The following TLE1 variants were observed in gnomAD, a reference collection of about 807,000 sequenced individuals.
TLE1 encodes the protein transducin-like enhancer protein 1.
A neutral mutation model predicts 89.8 loss-of-function variants in TLE1; 21 were observed. That is an observed-to-expected ratio of 0.23 (90% CI 0.17 to 0.34). TLE1 has a LOEUF of 0.34. TLE1 is among the 10% of genes least tolerant of loss of function. The probability of loss-of-function intolerance (pLI) is 1.00; values close to 1 mark genes in which losing one functional copy is unlikely to be tolerated. For synonymous variants in TLE1, 447 were observed against 407.6 expected (o/e 1.10, Z -1.16); for missense variants, 795 against 1,031.2 (o/e 0.77, Z 3.14).
intron 4 of TLE1, among the ~76,000 whole-genome samples, chr9:81,662,731 C>T (rs189335200): frequency 6.6e-6 from 1 of 151,850 alleles, no homozygotes; most frequent in African/African-American, 2.4e-5. Context: ...GGCCAAGCAC[C>T]GTAAATTGAT....
chr9:81,594,170 A>G (rs994972579), intron 14 of TLE1, among the ~76,000 whole-genome samples: 5 of 152,088 alleles, frequency 3.3e-5, no homozygotes, highest in Non-Finnish European at 7.4e-5. Flanking sequence ...CTTCCTTCCC[A>G]CTGCCTGAGC....
At chr9:81,602,108 T>A (rs1831005662) in intron 14 of TLE1, among the ~76,000 whole-genome samples, 1 of 152,054 alleles carries the variant, frequency 6.6e-6, no homozygotes, top group African/African-American at 2.4e-5. Context: ...GCAACTCAAG[T>A]GGGCTTTGAA....
chr9:81,661,188 T>TTA lies in TLE1; in HGVS notation c.235-7154_235-7153dup, dbSNP rs1306614516. On this transcript the variant is annotated intron_variant, in intron 4 of 19. Coordinates refer to ENST00000376499, the MANE Select transcript of TLE1 (RefSeq NM_005077.5). ...CATATATATTTATATATATGTATTTTTATATATATATGTATTTTTATATAT... is the reference window on the plus strand; with the variant it reads ...CATATATATTTATATATATGTATTTTTATATATATATATGTATTTTTATATAT... Among the ~76,000 whole-genome samples, 266 of 98,968 alleles carry TTA rather than the reference T, an allele frequency of 2.7e-3. 3 individuals are homozygous for TTA. The highest frequency in any genetic ancestry group is 7.7e-3 in the South Asian group (20 of 2,610). The allele number at this position is 98,968 out of a possible 152,430, so 64.9% of individuals were successfully genotyped here.
At chr9:81,615,706 C>A (rs1179318030) in intron 11 of TLE1, among the ~76,000 whole-genome samples, 1 of 130,080 alleles carries the variant, frequency 7.7e-6, no homozygotes, top group Admixed American at 7.8e-5. Context: ...GAGTGAGACT[C>A]CGTCTCAAAA....
chr9:81,686,705 T>C (rs1281294823), intron 2 of TLE1, among the ~76,000 whole-genome samples: 2 of 152,224 alleles, frequency 1.3e-5, no homozygotes, highest in East Asian at 1.9e-4. Context: ...CAAAAATTTA[T>C]AAGTCCTTTG....
chr9:81,588,479 C>T (rs1828962340), intron 16 of TLE1, among the ~76,000 whole-genome samples: 3 of 152,284 alleles, frequency 2.0e-5, no homozygotes, highest in South Asian at 4.1e-4. Context: ...AGGCATTGGG[C>T]AGAGACACAG....
At chr9:81,608,328 T>C (rs1162323074) in intron 14 of TLE1, among the ~76,000 whole-genome samples, 1 of 151,770 alleles carries the variant, frequency 6.6e-6, no homozygotes. Flanking sequence ...CTGGGCAACA[T>C]AGGGAGACCC....
At chr9:81,667,321 G>A (rs1027612519) in intron 4 of TLE1, among the ~76,000 whole-genome samples, 2 of 150,398 alleles carry the variant, frequency 1.3e-5, no homozygotes, top group Admixed American at 1.3e-4. Context: ...GCTTAAACCC[G>A]GGTGGCAGAA....
intron 4 of TLE1, among the ~76,000 whole-genome samples, chr9:81,681,009 G>C (rs1240917023): frequency 1.3e-5 from 2 of 151,516 alleles, no homozygotes; most frequent in South Asian, 4.1e-4. Context: ...TATCCCACAG[G>C]TGAGTCCCTA....
intron 4 of TLE1, among the ~76,000 whole-genome samples, chr9:81,655,312 G>A (rs1000591335): frequency 2.6e-5 from 4 of 152,024 alleles, no homozygotes; most frequent in South Asian, 2.1e-4. Flanking sequence ...GCAGTGAGCC[G>A]AGATCACGCC....
intron 4 of TLE1, among the ~76,000 whole-genome samples, chr9:81,673,704 G>C (rs890367529): frequency 2.0e-5 from 3 of 151,770 alleles, no homozygotes; most frequent in Non-Finnish European, 4.4e-5. Flanking sequence ...AGGTTGACAC[G>C]GGGAGGGGGC....
chr9:81,660,934 A>AACACACACAC lies in TLE1; in HGVS notation c.235-6908_235-6899dup, dbSNP rs548190067. Among the ~76,000 whole-genome samples, 528 of 88,834 alleles carry AACACACACAC rather than the reference A, an allele frequency of 5.9e-3. 12 individuals carry two copies. The highest frequency in any genetic ancestry group is 0.015 in the African/African-American group (347 of 23,420). The allele number at this position is 88,834 out of a possible 152,430, so 58.3% of individuals were successfully genotyped here. ...ACACGGTGAAACCCCATCCCTACTA[A>AACACACACAC]ACACACACACACACACACACACACA... On this transcript the variant is annotated intron_variant, in intron 4 of 19. Transcript: ENST00000376499.
intron 4 of TLE1, among the ~76,000 whole-genome samples, chr9:81,667,375 C>A (rs1160308667): frequency 8.2e-6 from 1 of 122,038 alleles, no homozygotes; most frequent in Non-Finnish European, 1.6e-5. Flanking sequence ...GAGACAGAGA[C>A]AGACTGTCTC....
intron 8 of TLE1, among the ~76,000 whole-genome samples, chr9:81,632,659 T>C (rs556967868): frequency 1.3e-5 from 2 of 152,274 alleles, no homozygotes; most frequent in East Asian, 3.9e-4. Flanking sequence ...CAGATGCATG[T>C]ACAGATCAAA....
In TLE1 at chr9:81,675,522, C is replaced by G. The variant is rs973999265; in HGVS notation, c.234+10154G>C. 2.2e-4 allele frequency among the ~76,000 whole-genome samples: 34 copies of G among 152,170 alleles called. 1 individual carries two copies. The Middle Eastern group carries it at 0.014, about 61-fold the overall frequency. On this transcript the variant is annotated intron_variant, in intron 4 of 19. Coordinates refer to ENST00000376499, the MANE Select transcript of TLE1 (RefSeq NM_005077.5). ...AGCAACATGCTAGTTTTGTTTATCTCTCTTTTTTAGTCCAAACCCAAACAT... is the reference window on the plus strand; with the variant it reads ...AGCAACATGCTAGTTTTGTTTATCTGTCTTTTTTAGTCCAAACCCAAACAT...
chr9:81,638,909 G>A (rs990300571), intron 6 of TLE1, among the ~76,000 whole-genome samples: 1 of 151,662 alleles, frequency 6.6e-6, no homozygotes, highest in Non-Finnish European at 1.5e-5. Flanking sequence ...ACAAGCGTGC[G>A]CCACCACACC....
chr9:81,675,693 C>CACT (rs1210074938), intron 4 of TLE1, among the ~76,000 whole-genome samples: 4 of 123,600 alleles, frequency 3.2e-5, no homozygotes, highest in African/African-American at 1.4e-4. Flanking sequence ...TAAGGACTCA[C>CACT]ACTAGTTTTT....
At chr9:81,595,018 A>C (rs1344919776) in intron 14 of TLE1, among the ~76,000 whole-genome samples, 2 of 152,220 alleles carry the variant, frequency 1.3e-5, no homozygotes, top group Admixed American at 1.3e-4. Flanking sequence ...GGTTCCAGTA[A>C]CTAATAGTAA....
intron 14 of TLE1, among the ~76,000 whole-genome samples, chr9:81,594,540 T>A (rs1829962163): frequency 6.9e-6 from 1 of 144,524 alleles, no homozygotes; most frequent in African/African-American, 2.5e-5. Context: ...CAAGACTACG[T>A]CTTAAAAAAA....
Sources: gnomAD v4.1 joint callset for allele counts (sites outside exome capture counted in the v4.1 genomes callset) on GRCh38, gnomAD v4.1.1 for gene constraint, MANE v1.5 for transcripts, NCBI Gene and HGNC (gene_info 2026-07-23, HGNC 2026-07-21) for gene names.